SEMA3A: variants seen among roughly 807,000 people sequenced by gnomAD.
SEMA3A encodes the protein semaphorin-3A.
A neutral mutation model predicts 97.9 loss-of-function variants in SEMA3A; 29 were observed. That is an observed-to-expected ratio of 0.30 (90% CI 0.22 to 0.40). The LOEUF is 0.40. Ranked by LOEUF, SEMA3A falls within the 10% of genes least tolerant of loss-of-function variation. SEMA3A has a pLI of 1.00. For missense variants in SEMA3A, 763 were observed against 951.3 expected, an observed-to-expected ratio of 0.80 and a Z score of 2.60; for synonymous variants, 321 against 323.7, an observed-to-expected ratio of 0.99 and a Z score of 0.09.
intron 1 of SEMA3A, among the ~76,000 whole-genome samples, chr7:84,475,265 G>T (rs1318162341): frequency 6.6e-6 from 1 of 152,006 alleles, no homozygotes; most frequent in Non-Finnish European, 1.5e-5. Flanking sequence ...TCGTTGGTTT[G>T]TTTTTTCTGT....
intron 1 of SEMA3A, among the ~76,000 whole-genome samples, chr7:84,408,309 C>G (rs1192593877): frequency 6.6e-6 from 1 of 152,098 alleles, no homozygotes; most frequent in South Asian, 2.1e-4. Flanking sequence ...CCATCACTGG[C>G]CATCAGAGAA....
At chr7:84,084,461 T>A (rs1206501698) in intron 4 of SEMA3A, among the ~76,000 whole-genome samples, 1 of 152,000 alleles carries the variant, frequency 6.6e-6, no homozygotes, top group African/African-American at 2.4e-5. Flanking sequence ...TATTACAAAT[T>A]TACATTCAGA....
At chr7:84,371,304 G>A (rs1211831029) in intron 2 of SEMA3A, among the ~76,000 whole-genome samples, 1 of 151,608 alleles carries the variant, frequency 6.6e-6, no homozygotes, top group African/African-American at 2.4e-5. Context: ...ATATAGTATG[G>A]GGGAAGTAGA....
chr7:84,045,798 G>A (rs1193643820), intron 6 of SEMA3A, among the ~76,000 whole-genome samples: 1 of 151,746 alleles, frequency 6.6e-6, no homozygotes, highest in Non-Finnish European at 1.5e-5. Flanking sequence ...AATTGGGAGA[G>A]GGGTTTTAAG....
intron 3 of SEMA3A, among the ~76,000 whole-genome samples, chr7:84,122,143 G>C (rs190951325): frequency 1.3e-5 from 2 of 151,820 alleles, no homozygotes; most frequent in African/African-American, 4.8e-5. Context: ...CACCAACAGT[G>C]TAAAACTGTT....
At chr7:84,333,909 A>G (rs1031402068) in intron 2 of SEMA3A, among the ~76,000 whole-genome samples, 1 of 152,112 alleles carries the variant, frequency 6.6e-6, no homozygotes, top group African/African-American at 2.4e-5. Context: ...TGCACTGAAA[A>G]GAAGAGATGT....
intron 1 of SEMA3A, among the ~76,000 whole-genome samples, chr7:84,165,563 C>A (rs2116182335): frequency 6.6e-6 from 1 of 152,026 alleles, no homozygotes; most frequent in Admixed American, 6.6e-5. Flanking sequence ...CCAGTACCTT[C>A]TTTTTTTGAG....
At chr7:84,045,168 A>G (rs73187448) in intron 6 of SEMA3A, among the ~76,000 whole-genome samples, 7,339 of 152,056 alleles carry the variant, frequency 0.048, 287 homozygotes, top group East Asian at 0.19. Flanking sequence ...AGACAGAAGG[A>G]ATGAACTAAA....
chr7:84,397,350 T>C (rs766011030), intron 1 of SEMA3A, among the ~76,000 whole-genome samples: 1 of 150,172 alleles, frequency 6.7e-6, no homozygotes, highest in Non-Finnish European at 1.5e-5. Flanking sequence ...ACATTTAATG[T>C]TTCTCAAATC....
intron 1 of SEMA3A, among the ~76,000 whole-genome samples, chr7:84,165,038 T>C (rs1293939043): frequency 6.6e-6 from 1 of 152,002 alleles, no homozygotes; most frequent in Non-Finnish European, 1.5e-5. Flanking sequence ...CGAAACCCCG[T>C]CACTACAAAA....
chr7:84,133,133 T>A (rs1401442023), intron 2 of SEMA3A, among the ~76,000 whole-genome samples: 1 of 152,212 alleles, frequency 6.6e-6, no homozygotes, highest in Non-Finnish European at 1.5e-5. Flanking sequence ...AACAGGCATT[T>A]ATTCCTATCA....
chr7:84,068,715 A>G (rs1793632958), intron 4 of SEMA3A, among the ~76,000 whole-genome samples: 1 of 152,120 alleles, frequency 6.6e-6, no homozygotes, highest in African/African-American at 2.4e-5. Flanking sequence ...TCATATGTCC[A>G]AGTTAATCAG....
At chr7:84,224,866 T>C (rs1798954765) in intron 3 of SEMA3A, among the ~76,000 whole-genome samples, 1 of 152,004 alleles carries the variant, frequency 6.6e-6, no homozygotes, top group African/African-American at 2.4e-5. Context: ...TTCCCTAGAA[T>C]CTGTGGATCC....
rs543068035 is a variant in SEMA3A at position 84,282,489 on chromosome 7, A to T, written c.-83+24718T>A. ...TGTTATTATCTTTACTGTTTCCCCC[A>T]TTTATTAACAAACATAATTGTCTTT... On this transcript the variant is annotated intron_variant, in intron 3 of 3. Transcript: ENST00000424555. Among the ~76,000 whole-genome samples, 91 of 152,182 alleles carry T rather than the reference A, an allele frequency of 6.0e-4. 1 individual carries two copies. The highest frequency in any genetic ancestry group is 2.1e-3 in the African/African-American group (86 of 41,540).
intron 1 of SEMA3A, among the ~76,000 whole-genome samples, chr7:84,465,624 T>C (rs1266921775): frequency 6.6e-6 from 1 of 152,156 alleles, no homozygotes; most frequent in Non-Finnish European, 1.5e-5. Flanking sequence ...AAACTCAACA[T>C]ACAACAAATA....
chr7:84,405,549 T>C lies in SEMA3A; in HGVS notation c.-245-33649A>G, dbSNP rs376715786. On this transcript the variant is annotated intron_variant, in intron 1 of 3. Coordinates refer to the SEMA3A transcript ENST00000424555. ...TCAGCTCTGCACCAAGTAGACGTAA[T>C]AGACATCTACAGAACTCTCCACCCC... Among the ~76,000 whole-genome samples the C allele has an allele frequency of 5.3e-5, 8 of 152,150 alleles. 1 individual carries two copies. The highest frequency in any genetic ancestry group is 1.0e-4 in the Non-Finnish European group (7 of 68,040).
At chr7:84,250,228 A>C (rs547414740) in intron 3 of SEMA3A, among the ~76,000 whole-genome samples, 2 of 152,198 alleles carry the variant, frequency 1.3e-5, no homozygotes, top group East Asian at 1.9e-4. Flanking sequence ...GAGATATATA[A>C]AAATTTACAT....
At chr7:84,419,576 C>T (rs1804530291) in intron 1 of SEMA3A, among the ~76,000 whole-genome samples, 1 of 151,686 alleles carries the variant, frequency 6.6e-6, no homozygotes, top group Admixed American at 6.6e-5. Context: ...TGCCTAAAGC[C>T]TAGGAGGAAA....
chr7:84,312,872 TTA>T (rs377261705), intron 2 of SEMA3A, among the ~76,000 whole-genome samples: 1,358 of 48,526 alleles, frequency 0.028, 18 homozygotes, highest in African/African-American at 0.037. Flanking sequence ...TGGTGTTGTT[TTA>T]TATATATATA....
Sources: allele counts gnomAD v4.1 joint callset (sites outside exome capture counted in the v4.1 genomes callset), GRCh38; gene constraint gnomAD v4.1.1; transcripts MANE v1.5; gene names NCBI Gene and HGNC (gene_info 2026-07-23, HGNC 2026-07-21).